INPP5A: variants seen among roughly 807,000 people sequenced by gnomAD.
INPP5A encodes the protein inositol polyphosphate-5-phosphatase A.
INPP5A carries 14 observed loss-of-function variants against 65.2 expected under a neutral mutation model. The observed-to-expected ratio is 0.21, with a 90% CI of 0.14 to 0.34. INPP5A has a LOEUF of 0.34. Among genes scored for constraint, INPP5A ranks in the 10% least tolerant of loss-of-function variants. The probability of loss-of-function intolerance (pLI) is 1.00; values close to 1 mark genes in which losing one functional copy is unlikely to be tolerated. For missense variants in INPP5A, 431 were observed against 545.6 expected (o/e 0.79, Z 2.09); for synonymous variants, 207 against 208.3 (o/e 0.99, Z 0.05).
rs371795339 is a variant in INPP5A at position 132,704,127 on chromosome 10, C to A, written c.475-4186C>A. Among the ~76,000 whole-genome samples, 1 of 152,006 alleles carries A rather than the reference C, an allele frequency of 6.6e-6. No individual in the cohort carries two copies. The highest frequency in any genetic ancestry group is 6.5e-5 in the Admixed American group (1 of 15,270). Reference sequence around the variant, plus strand: ...GGTTCCCAAAGCATGTCAGGCCCCCCAGTCCCCCCAGACAGGAGGTGTCGA... The same window carrying A: ...GGTTCCCAAAGCATGTCAGGCCCCCAAGTCCCCCCAGACAGGAGGTGTCGA... On this transcript the variant is annotated intron_variant, in intron 6 of 15. Transcript: ENST00000368594. This position sits in a 1 kb window ranked among gnomAD's most constrained non-coding sequence, Gnocchi z 4.5.
chr10:132,713,759 G>A (rs1590947822), intron 8 of INPP5A, among the ~76,000 whole-genome samples: 1 of 152,184 alleles, frequency 6.6e-6, no homozygotes, highest in East Asian at 1.9e-4. Context: ...GACCTGTCCG[G>A]CCTCCCGGAT....
chr10:132,687,382 G>A (rs1034657638), intron 4 of INPP5A, among the ~76,000 whole-genome samples: 5 of 152,220 alleles, frequency 3.3e-5, no homozygotes, highest in Admixed American at 1.3e-4. Flanking sequence ...ATGGCCACAC[G>A]CAGCCTTCTG....
At chr10:132,781,002 G>A in intron 14 of INPP5A, 85 bp downstream of exon 14, 1 of 867,332 alleles carries the variant, frequency 1.2e-6, no homozygotes, top group Non-Finnish European at 1.8e-6. Context: ...TGGGTGGGCG[G>A]GTGCTGGGGC....
At chr10:132,672,897 G>A (rs185149261) in intron 4 of INPP5A, among the ~76,000 whole-genome samples, 79 of 152,260 alleles carry the variant, frequency 5.2e-4, no homozygotes, top group African/African-American at 1.7e-3. Flanking sequence ...ACCTCAGCGG[G>A]TCGTGGTTTT....
chr10:132,765,001 A>T (rs2803988), intron 11 of INPP5A, among the ~76,000 whole-genome samples: 9,221 of 121,728 alleles, frequency 0.076, 322 homozygotes, highest in African/African-American at 0.16. Context: ...GCGTGGTGAC[A>T]CTCAGGAACA....
intron 1 of INPP5A, among the ~76,000 whole-genome samples, chr10:132,568,329 A>G (rs543484929): frequency 6.6e-6 from 1 of 152,230 alleles, no homozygotes; most frequent in Non-Finnish European, 1.5e-5. Context: ...TCGATAGCGA[A>G]GTTTGTTTTA....
At chr10:132,570,466 G>C (rs1223807777) in intron 1 of INPP5A, among the ~76,000 whole-genome samples, 1 of 152,176 alleles carries the variant, frequency 6.6e-6, no homozygotes, top group African/African-American at 2.4e-5. Context: ...CTGCGATCCT[G>C]TCTGGGGAGG....
intron 13 of INPP5A, 126 bp from the exon 14 acceptor site, chr10:132,780,723 A>G: frequency 1.3e-6 from 1 of 778,832 alleles, no homozygotes; most frequent in Non-Finnish European, 2.3e-6. Flanking sequence ...CTGGGGAGGT[A>G]CTGGCAGGGG....
rs141279817 is a variant in INPP5A at position 132,587,809 on chromosome 10, G to A, written c.76-20106G>A. On this transcript the variant is annotated intron_variant, in intron 1 of 15. Coordinates refer to ENST00000368594, the MANE Select transcript of INPP5A (RefSeq NM_005539.5). The surrounding 1 kb of genome is among the most constrained non-coding windows in gnomAD (Gnocchi z 4.3). ...GCAGATTATCTGAGGCCAGGAATTC[G>A]TGACTAGCCTGACCAACATGGTGAA... is the stretch of plus-strand genomic sequence containing the variant. Among the ~76,000 whole-genome samples, 18 of 151,902 alleles carry A rather than the reference G, an allele frequency of 1.2e-4. No homozygotes were observed. In the East Asian group the frequency reaches 2.3e-3, roughly 20 times the overall value.
chr10:132,737,258 G>A (rs779309886), intron 9 of INPP5A, among the ~76,000 whole-genome samples: 1 of 152,136 alleles, frequency 6.6e-6, no homozygotes, highest in Non-Finnish European at 1.5e-5. Flanking sequence ...TGGCAGGGAC[G>A]GTCCCTTCTA....
chr10:132,742,014 G>A (rs777883262), intron 9 of INPP5A, among the ~76,000 whole-genome samples: 9 of 152,220 alleles, frequency 5.9e-5, no homozygotes, highest in Admixed American at 5.2e-4. Context: ...GTGTCCTCAC[G>A]AGTCTCCTGG....
chr10:132,667,410 A>G (rs574856072), intron 4 of INPP5A, among the ~76,000 whole-genome samples: 53 of 152,308 alleles, frequency 3.5e-4, no homozygotes, highest in African/African-American at 4.8e-4. Context: ...GTTTTCATCT[A>G]TTATCACAAT....
intron 1 of INPP5A, among the ~76,000 whole-genome samples, chr10:132,596,211 A>C (rs1157109085): frequency 6.6e-6 from 1 of 152,318 alleles, no homozygotes; most frequent in East Asian, 1.9e-4. Flanking sequence ...CCCATCACCC[A>C]GTGGGACAGC....
chr10:132,703,071 C>G (rs891245444), intron 6 of INPP5A, among the ~76,000 whole-genome samples: 3 of 152,134 alleles, frequency 2.0e-5, no homozygotes, highest in Non-Finnish European at 4.4e-5. Context: ...CCCCACCCTT[C>G]GGACTCACCG....
Position 132,727,103 on chromosome 10 carries a change from G to T in INPP5A, c.732+198G>T. ...TCCGTGTTGGAATCCGGGGTGCGCG[G>T]GCCCTCAAGGTTGCCCCGGATGGCG... is the stretch of plus-strand genomic sequence containing the variant. On this transcript the variant is annotated intron_variant, in intron 9 of 15. Coordinates refer to ENST00000368594, the MANE Select transcript of INPP5A (RefSeq NM_005539.5). The surrounding 1 kb of genome is among the most constrained non-coding windows in gnomAD (Gnocchi z 6.5). 2.3e-6 allele frequency: 1 copy of T among 435,024 alleles called. No homozygotes were observed. The highest frequency in any genetic ancestry group is 4.1e-6 in the Non-Finnish European group (1 of 243,208). 26.9% of individuals were successfully genotyped at this position (435,024 alleles called of 1,614,324 possible). A position where few individuals can be genotyped will look rare whatever the true frequency, so the allele number is the denominator to read the frequency against.
At chr10:132,764,222 T>C (rs1371461367) in intron 11 of INPP5A, among the ~76,000 whole-genome samples, 2 of 152,262 alleles carry the variant, frequency 1.3e-5, no homozygotes, top group Non-Finnish European at 2.9e-5. Flanking sequence ...TCAGGGATAA[T>C]GGACGAGGTC....
chr10:132,741,578 A>G lies in INPP5A; in HGVS notation c.733-7939A>G, dbSNP rs1023379488. ...CCCAGAAGAGGATGCCCCAGAATGA[A>G]GGTGGAGGCTGCTGTCCACTCTGCA... On this transcript the variant is annotated intron_variant, in intron 9 of 15. Transcript: ENST00000368594. This position sits in a 1 kb window ranked among gnomAD's most constrained non-coding sequence, Gnocchi z 4.4. Among the ~76,000 whole-genome samples, 4 of 152,202 alleles carry G rather than the reference A, an allele frequency of 2.6e-5. No homozygotes were observed. Among genetic ancestry groups the G allele is most frequent in the African/African-American group, 9.6e-5 (4 of 41,454 alleles).
intron 1 of INPP5A, among the ~76,000 whole-genome samples, chr10:132,567,355 A>G (rs2071285183): frequency 6.6e-6 from 1 of 152,250 alleles, no homozygotes; most frequent in Admixed American, 6.5e-5. Context: ...TATGTTCCCC[A>G]AGATGGTCTT....
chr10:132,663,964 C>T lies in INPP5A; in HGVS notation c.306+13459C>T, dbSNP rs905279794. ...ACAGGCGTGATCGAGTGCCGTGTCA[C>T]ACGCAGCCCAGGAAACAAACACGCC... On this transcript the variant is annotated intron_variant, in intron 4 of 15. Transcript: ENST00000368594. This position sits in a 1 kb window ranked among gnomAD's most constrained non-coding sequence, Gnocchi z 4.5. Among the ~76,000 whole-genome samples the T allele has an allele frequency of 6.6e-6, 1 of 152,260 alleles. No homozygotes were observed. Among genetic ancestry groups the T allele is most frequent in the Non-Finnish European group, 1.5e-5 (1 of 68,046 alleles).
Sources: allele counts gnomAD v4.1 joint callset (sites outside exome capture counted in the v4.1 genomes callset), GRCh38; gene constraint gnomAD v4.1.1; non-coding constraint Gnocchi (gnomAD v3.1); transcripts MANE v1.5; gene names NCBI Gene and HGNC (gene_info 2026-07-23, HGNC 2026-07-21).